The following ADGRG1 variants were observed in gnomAD, a reference collection of about 807,000 sequenced individuals.
ADGRG1 encodes adhesion G protein-coupled receptor G1.
A neutral mutation model predicts 73.5 loss-of-function variants in ADGRG1; 53 were observed. That is an observed-to-expected ratio of 0.72 (90% CI 0.58 to 0.91). The LOEUF is 0.91. ADGRG1 is among the 40% of genes least tolerant of loss of function. The pLI is 0.00. For missense variants in ADGRG1, 795 were observed against 871.8 expected (o/e 0.91, Z 1.11); for synonymous variants, 394 against 374.4 (o/e 1.05, Z -0.60).
chr16:57,655,318 G>GGT lies in ADGRG1; in HGVS notation c.769-65_769-64dup, dbSNP rs34289485. ...AAGTGGCAGCGTCCAGGAACGGATGGGTGTGTGTGTGTGTGTGCTAGGGTG... is the reference window on the plus strand; with the variant it reads ...AAGTGGCAGCGTCCAGGAACGGATGGGTGTGTGTGTGTGTGTGTGCTAGGGTG... On this transcript the variant is annotated intron_variant, in intron 5 of 13. Transcript: ENST00000562631. The GGT allele has an allele frequency of 0.25, 374,398 of 1,517,924 alleles. 28,406 individuals carry two copies. The highest frequency in any genetic ancestry group is 0.38 in the African/African-American group (27,347 of 72,276). 94.0% of individuals were successfully genotyped at this position (1,517,924 alleles called of 1,614,324 possible).
chr16:57,639,681 C>G, intron 1 of ADGRG1: 5 of 984,322 alleles, frequency 5.1e-6, no homozygotes, highest in Non-Finnish European at 6.0e-6. Flanking sequence ...GTACGATTCT[C>G]CCGCCTCCTC....
At chr16:57,629,964 C>A (rs2037290601) in intron 1 of ADGRG1, 1 of 981,408 alleles carries the variant, frequency 1.0e-6, no homozygotes, top group Non-Finnish European at 1.2e-6. Flanking sequence ...GGGCCTCCCA[C>A]CCCCACCAAT....
chr16:57,644,294 C>G (rs1597327069), intron 1 of ADGRG1: 3 of 636,872 alleles, frequency 4.7e-6, no homozygotes, highest in Non-Finnish European at 2.0e-6. Flanking sequence ...CACACTCATG[C>G]TCAGGCACAC....
chr16:57,646,348 CGGGGGA>C, intron 1 of ADGRG1: 1 of 500,110 alleles, frequency 2.0e-6, no homozygotes, highest in Non-Finnish European at 2.4e-6. Context: ...GGGGGTGGGG[CGGGGGA>C]TGGGCTGGTG....
rs1198207091 is a variant in ADGRG1, at chr16:57,639,764, A to T, written c.-35-10489A>T. On this transcript the variant is annotated intron_variant, in intron 1 of 13. Coordinates refer to ENST00000562631, the MANE Select transcript of ADGRG1 (RefSeq NM_201525.4). ...CGCTTCTCCCCTGTCTTCCTCCTTCACTCCCCTTCCCCTCCAGCTCGCCTC... is the reference window on the plus strand; with the variant it reads ...CGCTTCTCCCCTGTCTTCCTCCTTCTCTCCCCTTCCCCTCCAGCTCGCCTC... 1.0e-5 allele frequency: 8 copies of T among 792,318 alleles called. No homozygotes were observed. The African/African-American group carries it at 1.7e-4, about 16-fold the overall frequency. 49.1% of individuals were successfully genotyped at this position (792,318 alleles called of 1,614,324 possible).
intron 10 of ADGRG1, 109 bp from the exon 11 acceptor site, chr16:57,659,304 G>T: frequency 6.3e-7 from 1 of 1,591,424 alleles, no homozygotes; most frequent in Non-Finnish European, 8.5e-7. Flanking sequence ...ATGACTGCAT[G>T]TGTGTGTCGG....
intron 10 of ADGRG1, 140 bp from the exon 11 acceptor site, chr16:57,659,273 G>C (rs571685795): frequency 6.5e-7 from 1 of 1,530,692 alleles, no homozygotes; most frequent in African/African-American, 1.4e-5. Flanking sequence ...TGCAGCCACA[G>C]GAATAGGATA....
At chr16:57,657,696 A>G (rs1248591002) in intron 10 of ADGRG1, among the ~76,000 whole-genome samples, 1 of 152,216 alleles carries the variant, frequency 6.6e-6, no homozygotes, top group East Asian at 1.9e-4. Context: ...AGTATTTACA[A>G]ATTTTAGCTG....
Position 57,654,803 on chromosome 16 carries a change from C to G in ADGRG1, c.769-596C>G, listed in dbSNP as rs139592556. 3.2e-3 allele frequency among the ~76,000 whole-genome samples: 494 copies of G among 152,284 alleles called. 4 individuals carry two copies. The highest frequency in any genetic ancestry group is 0.012 in the African/African-American group (479 of 41,558). On this transcript the variant is annotated intron_variant, in intron 5 of 13. Coordinates refer to ENST00000562631, the MANE Select transcript of ADGRG1 (RefSeq NM_201525.4). ...GTTGAGGCAGGAGAATCGCTTGAAC[C>G]CGGGAGGCGGAGGTTGCAGTGAGCT...
upstream of ADGRG1, among the ~76,000 whole-genome samples, chr16:57,620,350 G>A (rs1232834577): frequency 2.6e-5 from 4 of 152,188 alleles, no homozygotes; most frequent in Non-Finnish European, 4.4e-5. Flanking sequence ...CAGCATGGCC[G>A]GGCATGCTGG....
rs2038752535 is a variant in ADGRG1, at chr16:57,634,146, G to A, written c.-36+5344G>A. The A allele has an allele frequency of 3.0e-6, 3 of 985,254 alleles. No homozygotes were observed. In the South Asian group the frequency reaches 1.4e-4, roughly 46 times the overall value. The allele number at this position is 985,254 out of a possible 1,614,324, so 61.0% of individuals were successfully genotyped here. A position where few individuals can be genotyped will look rare whatever the true frequency, so the allele number is the denominator to read the frequency against. On this transcript the variant is annotated intron_variant, in intron 1 of 13. Transcript: ENST00000562631. ...CTGTGGTCACTTCTCTGCTGGGTGA[G>A]TTCACCCTAGGCCCCTGGGAGCTAG...
chr16:57,646,609 C>T, intron 1 of ADGRG1: 4 of 985,226 alleles, frequency 4.1e-6, no homozygotes, highest in Non-Finnish European at 4.8e-6. Flanking sequence ...CTCCATTCTC[C>T]TCTCCTTCCC....
intron 1 of ADGRG1, chr16:57,648,435 C>G: frequency 3.1e-6 from 3 of 981,424 alleles, no homozygotes; most frequent in Non-Finnish European, 3.6e-6. Context: ...GATGATGTGC[C>G]TATTTGACCT....
chr16:57,637,230 A>G, intron 1 of ADGRG1: 1 of 776,828 alleles, frequency 1.3e-6, no homozygotes. Context: ...GAGCTTCATC[A>G]TTTCAGTCCC....
At position 57,654,029 on chromosome 16, in the gene ADGRG1, A is replaced by G. The variant is rs777239877; in HGVS notation, c.664A>G (p.Met222Val). Residue 222 changes from methionine to valine, a missense_variant, in exon 5 of 14, where the codon ATG (methionine) becomes GTG (valine). Transcript: ENST00000562631. ...GTCGAAACTGACCTCTGTGAGATTC[A>G]TGGGGGACATGGTGTCCTTCGAGGA... ...LESKLTSVRF[M>V]GDMVSFEEDR... The G allele has an allele frequency of 6.2e-7, 1 of 1,614,086 alleles. No individual in the cohort carries two copies.
chr16:57,635,727 G>C (rs1295605047), intron 1 of ADGRG1: 1 of 985,328 alleles, frequency 1.0e-6, no homozygotes, highest in African/African-American at 1.7e-5. Flanking sequence ...AGCTGCTGCC[G>C]ACTCTCCATG....
chr16:57,643,958 T>G, intron 1 of ADGRG1: 1 of 984,920 alleles, frequency 1.0e-6, no homozygotes, highest in African/African-American at 1.7e-5. Context: ...CAGGGGTGTC[T>G]ACTTTGAGCT....
intron 1 of ADGRG1, chr16:57,643,339 G>A (rs1452688994): frequency 1.3e-5 from 2 of 153,330 alleles, no homozygotes; most frequent in South Asian, 2.1e-4. Flanking sequence ...GCATATGGGA[G>A]GCAGCAGGGC....
At chr16:57,635,007 G>A (rs1179041712) in intron 1 of ADGRG1, 1 of 985,274 alleles carries the variant, frequency 1.0e-6, no homozygotes, top group African/African-American at 1.7e-5. Flanking sequence ...AAATAGCTCA[G>A]TGGGCTGGAT....
Sources: allele counts gnomAD v4.1 joint callset (sites outside exome capture counted in the v4.1 genomes callset), GRCh38; gene constraint gnomAD v4.1.1; transcripts MANE v1.5; gene names NCBI Gene and HGNC (gene_info 2026-07-23, HGNC 2026-07-21).